The following IL17RC variants were observed in gnomAD, a reference collection of about 807,000 sequenced individuals.
IL17RC encodes interleukin-17 receptor C.
IL17RC carries 53 observed loss-of-function variants against 86.7 expected under a neutral mutation model. The observed-to-expected ratio is 0.61, with a 90% CI of 0.49 to 0.77. IL17RC has a LOEUF of 0.77. IL17RC is among the 30% of genes least tolerant of loss of function. The pLI is 0.00. For missense variants in IL17RC, 957 were observed against 940.0 expected, an observed-to-expected ratio of 1.02 and a Z score of -0.24; for synonymous variants, 439 against 413.1, an observed-to-expected ratio of 1.06 and a Z score of -0.76.
rs2084976558 is a variant in IL17RC, at chr3:9,933,347, C to T, written c.1917C>T (p.His639=). 1 of 1,610,904 alleles carries T rather than the reference C, an allele frequency of 6.2e-7. No homozygotes were observed. Among genetic ancestry groups the T allele is most frequent in the South Asian group, 1.1e-5 (1 of 90,604 alleles). ...YVGACFDRLL[H]PDAVPALFRT... ...GGGCCTGCTTCGACAGGCTGCTCCA[C>T]CCGGACGCCGTACCCGCCCTTTTCC... is the stretch of plus-strand genomic sequence containing the variant. The change falls in exon 19 of 19, where the codon CAC becomes CAT. Residue 639 remains histidine, a synonymous_variant. Transcript: ENST00000403601.
rs2084518720 is a variant in IL17RC at position 9,930,158 on chromosome 3, T to G, written c.1278+9T>G. On this transcript the variant is annotated intron_variant, in intron 14 of 18. Transcript: ENST00000403601. The surrounding 1 kb of genome is among the most constrained non-coding windows in gnomAD (Gnocchi z 5.8). ...CCAGCAAAGCCTCCACGGTTAGGAC[T>G]GGGCGACCCTCCTCCACAGATCTCT... is the stretch of plus-strand genomic sequence containing the variant. 3.1e-6 allele frequency: 5 copies of G among 1,613,642 alleles called. No homozygotes were observed. Among genetic ancestry groups the G allele is most frequent in the Non-Finnish European group, 3.4e-6 (4 of 1,179,882 alleles).
intron 12 of IL17RC, chr3:9,929,619 C>A: frequency 1.7e-6 from 1 of 588,170 alleles, no homozygotes; most frequent in East Asian, 2.9e-5. Flanking sequence ...CTCCGTAAGA[C>A]ATAAAAACAG....
rs552939976 is a variant in IL17RC at position 9,917,682 on chromosome 3, A to G, written c.106-31A>G. On this transcript the variant is annotated intron_variant, in intron 1 of 18. Coordinates refer to ENST00000403601, the MANE Select transcript of IL17RC (RefSeq NM_153460.4). ...AACAGTGCCTAGATGGTGGGGGCAC[A>G]AATTCTGACTCTCCTTTCTTTCCTT... 14 of 1,613,812 alleles carry G rather than the reference A, an allele frequency of 8.7e-6. 2 individuals are homozygous for G. The East Asian group carries it at 2.0e-4, about 23-fold the overall frequency.
Position 9,933,577 on chromosome 3 carries a change from C to A in IL17RC, c.2147C>A (p.Ala716Glu). The change falls in exon 19 of 19, where the codon GCG becomes GAG. Residue 716 changes from alanine (A) to glutamate (E), a missense_variant. Transcript: ENST00000403601. The part of the protein sequence containing the change: ...RGVGPGAGPG[A>E]GDGT ...GTGGGACCAGGCGCGGGACCTGGGGCGGGGGACGGGACTTAAATAAAGGCA... is the reference window on the plus strand; with the variant it reads ...GTGGGACCAGGCGCGGGACCTGGGGAGGGGGACGGGACTTAAATAAAGGCA... 1 of 1,597,556 alleles carries A rather than the reference C, an allele frequency of 6.3e-7. No individual in the cohort carries two copies. The highest frequency in any genetic ancestry group is 8.5e-7 in the Non-Finnish European group (1 of 1,173,078).
In IL17RC at chr3:9,932,939, G is replaced by A. The variant is rs752084338; in HGVS notation, c.1523-14G>A. 6 of 1,609,930 alleles carry A rather than the reference G, an allele frequency of 3.7e-6. No homozygotes were observed. Among genetic ancestry groups the A allele is most frequent in the Non-Finnish European group, 5.1e-6 (6 of 1,178,992 alleles). On this transcript the variant is annotated splice_polypyrimidine_tract_variant and intron_variant, in intron 18 of 18. Coordinates refer to ENST00000403601, the MANE Select transcript of IL17RC (RefSeq NM_153460.4). ...CAGCTCACCTCTTCCCTCCCCATCT[G>A]TTTTCTCCGGCAGCGGCCGCCAGGG... is the stretch of plus-strand genomic sequence containing the variant.
In IL17RC at chr3:9,929,857, C is replaced by T. The variant is rs1320377687; in HGVS notation, c.1116C>T (p.Asn372=). The change falls in exon 13 of 19, where the codon AAC becomes AAT. Residue 372 remains asparagine, a synonymous_variant. Transcript: ENST00000403601. Reference sequence around the variant, plus strand: ...CCATGGTCTCTTCCCAGCAGGTGAACAGCTCGGAGAAGCTGCAGCTGCAGG... The same window carrying T: ...CCATGGTCTCTTCCCAGCAGGTGAATAGCTCGGAGAAGCTGCAGCTGCAGG... ...KGHPNLCVQV[N]SSEKLQLQEC... 2 of 1,614,026 alleles carry T rather than the reference C, an allele frequency of 1.2e-6. No homozygotes were observed. The highest frequency in any genetic ancestry group is 4.5e-5 in the East Asian group (2 of 44,896).
intron 7 of IL17RC, among the ~76,000 whole-genome samples, chr3:9,922,083 G>T (rs1013291867): frequency 6.6e-6 from 1 of 150,494 alleles, no homozygotes; most frequent in Non-Finnish European, 1.5e-5. Flanking sequence ...CTCCCAAGCA[G>T]CTGGGATTAC....
rs746277421 is a variant in IL17RC at position 9,917,622 on chromosome 3, C to G, written c.106-91C>G. ...TCTGGGAGGGTCTGGGAATACGGAGCCCCAGAAAAAGGTAGGTGGAGGTCT... is the reference window on the plus strand; with the variant it reads ...TCTGGGAGGGTCTGGGAATACGGAGGCCCAGAAAAAGGTAGGTGGAGGTCT... On this transcript the variant is annotated intron_variant, in intron 1 of 18. Transcript: ENST00000403601. The G allele has an allele frequency of 1.1e-5, 17 of 1,613,872 alleles. No individual in the cohort carries two copies. The highest frequency in any genetic ancestry group is 1.4e-5 in the Non-Finnish European group (17 of 1,179,988).
At position 9,923,959 on chromosome 3, in the gene IL17RC, G is replaced by T. The variant is rs753887371; in HGVS notation, c.701G>T (p.Gly234Val). 5 of 1,614,164 alleles carry T rather than the reference G, an allele frequency of 3.1e-6. No homozygotes were observed. The South Asian group carries it at 5.5e-5, about 18-fold the overall frequency. Reference protein sequence around the residue: ...VLNVSEEQHFGLSLYWNQVQG... With the variant: ...VLNVSEEQHFVLSLYWNQVQG... ...AATGTCTCTGAGGAGCAGCACTTCG[G>T]CCTCTCCCTGTACTGGAATCAGGTC... The change falls in exon 8 of 19, where the codon GGC (glycine) becomes GTC (valine). Residue 234 changes from glycine (G) to valine (V), a missense_variant. Transcript: ENST00000403601.
chr3:9,924,992 C>A (rs1158008204), intron 9 of IL17RC, among the ~76,000 whole-genome samples: 1 of 151,264 alleles, frequency 6.6e-6, no homozygotes, highest in Non-Finnish European at 1.5e-5. Context: ...TGTGTAGAGA[C>A]GGGGTCTTGC....
chr3:9,918,128 TGGGCATGA>T, intron 3 of IL17RC, 53 bp downstream of exon 3: 1 of 1,532,840 alleles, frequency 6.5e-7, no homozygotes, highest in Non-Finnish European at 8.8e-7. Context: ...GTGTCTGGGG[TGGGCATGA>T]GGGCCAGGGG....
At position 9,918,049 on chromosome 3, in the gene IL17RC, G is replaced by A. The variant is rs145220837; in HGVS notation, c.254G>A (p.Arg85His). Residue 85 changes from arginine (R) to histidine (H), a missense_variant, in exon 3 of 19, where the codon CGT becomes CAT. Arg to His is a conservative substitution (Grantham distance 29). Coordinates refer to ENST00000403601, the MANE Select transcript of IL17RC (RefSeq NM_153460.4). ...GAGACCGACTGTGACCTCTGTCTGC[G>A]TGTGGCTGTCCACTTGGCCGTGCAT... ...QKETDCDLCL[R>H]VAVHLAVHGH... 47 of 1,593,238 alleles carry A rather than the reference G, an allele frequency of 2.9e-5. No individual in the cohort carries two copies. The Admixed American group carries it at 6.2e-4, about 21-fold the overall frequency.
At chr3:9,931,471 A>ACATATATATATATAATAAGTG (rs1491160591) in intron 16 of IL17RC, among the ~76,000 whole-genome samples, 1 of 5,254 alleles carries the variant, frequency 1.9e-4, no homozygotes, top group African/African-American at 2.3e-4. Context: ...ACACACACAC[A>ACATATATATATATAATAAGTG]TATATATATA....
chr3:9,928,217 G>A lies in IL17RC; in HGVS notation c.874G>A (p.Glu292Lys), dbSNP rs757239649. 15 of 1,611,070 alleles carry A rather than the reference G, an allele frequency of 9.3e-6. No homozygotes were observed. In the South Asian group the frequency reaches 1.5e-4, roughly 17 times the overall value. ...TAGGACGAACATCTGCCCCTTCAGGGAGGGTGAGCCGACCGGCCTGGGGCT... is the reference window on the plus strand; with the variant it reads ...TAGGACGAACATCTGCCCCTTCAGGAAGGGTGAGCCGACCGGCCTGGGGCT... ...SVRTNICPFREDPRAHQNLWQ... is the reference protein window; with the variant it reads ...SVRTNICPFRKDPRAHQNLWQ... Residue 292 changes from glutamate to lysine, a missense_variant, in exon 10 of 19, where the codon GAG becomes AAG. By Grantham distance (56) the Glu-to-Lys change is moderately conservative (BLOSUM62 1). Coordinates refer to ENST00000403601, the MANE Select transcript of IL17RC (RefSeq NM_153460.4).
At chr3:9,927,575 T>A (rs2084204031) in intron 9 of IL17RC, among the ~76,000 whole-genome samples, 2 of 151,086 alleles carry the variant, frequency 1.3e-5, no homozygotes, top group Non-Finnish European at 3.0e-5. Context: ...AAAAAAATAA[T>A]AAAAATTTAA....
Position 9,924,275 on chromosome 3 carries a change from C to T in IL17RC, c.806C>T (p.Pro269Leu), listed in dbSNP as rs2083858670. The T allele has an allele frequency of 6.2e-7, 1 of 1,614,074 alleles. No homozygotes were observed. The highest frequency in any genetic ancestry group is 8.5e-7 in the Non-Finnish European group (1 of 1,179,968). The change falls in exon 9 of 19, where the codon CCC becomes CTC. Residue 269 changes from proline (P) to leucine (L), a missense_variant. Transcript: ENST00000403601. ...ACCTTGAACCACACAGACCTGGTTC[C>T]CTGCCTCTGTATTCAGGTAGGAGCA... The part of the protein sequence containing the change: ...IITLNHTDLV[P>L]CLCIQVWPLE...
intron 9 of IL17RC, among the ~76,000 whole-genome samples, chr3:9,924,828 G>C (rs1203907174): frequency 6.6e-6 from 1 of 152,084 alleles, no homozygotes; most frequent in Non-Finnish European, 1.5e-5. Context: ...TTTAGACAAG[G>C]TCTCACTCTG....
intron 7 of IL17RC, among the ~76,000 whole-genome samples, chr3:9,921,717 C>G (rs374314031): frequency 4.0e-5 from 6 of 149,740 alleles, no homozygotes; most frequent in African/African-American, 1.5e-4. Context: ...CTCCGCCTCC[C>G]AGGTTCACGC....
intron 5 of IL17RC, chr3:9,919,116 G>C (rs2083336344): frequency 6.6e-6 from 1 of 152,286 alleles, no homozygotes; most frequent in Non-Finnish European, 1.5e-5. Context: ...AATCTTTTCT[G>C]TATTGTTCCA....
Sources: allele counts gnomAD v4.1 joint callset (sites outside exome capture counted in the v4.1 genomes callset), GRCh38; gene constraint gnomAD v4.1.1; non-coding constraint Gnocchi (gnomAD v3.1); transcripts MANE v1.5; gene names NCBI Gene and HGNC (gene_info 2026-07-23, HGNC 2026-07-21).